Variants in SH2D3C observed in about 807,000 individuals in gnomAD.
The protein encoded by SH2D3C is SH2 domain-containing protein 3C.
Under a neutral mutation model 75.2 loss-of-function variants are expected in SH2D3C, and 25 were observed. That is an observed-to-expected ratio of 0.33 (90% CI 0.24 to 0.46). SH2D3C has a LOEUF of 0.46. Among genes scored for constraint, SH2D3C ranks in the 20% least tolerant of loss-of-function variants. The pLI, the probability that SH2D3C is intolerant of heterozygous loss-of-function variation, is 1.00. For synonymous variants in SH2D3C, 450 were observed against 473.7 expected (o/e 0.95, Z 0.65); for missense variants, 933 against 1,165.3 (o/e 0.80, Z 2.90).
At chr9:127,741,208 TACTC>T (rs1339004584) in intron 9 of SH2D3C, among the ~76,000 whole-genome samples, 1 of 152,002 alleles carries the variant, frequency 6.6e-6, no homozygotes, top group Non-Finnish European at 1.5e-5. Flanking sequence ...CTATAGGAAA[TACTC>T]ACTAAATGGT....
chr9:127,755,477 T>C (rs1157856300), intron 3 of SH2D3C, among the ~76,000 whole-genome samples: 3 of 152,118 alleles, frequency 2.0e-5, no homozygotes, highest in Non-Finnish European at 2.9e-5. Context: ...AAGGAGGGTA[T>C]TACCGGGGGC....
At position 127,749,227 on chromosome 9, in the gene SH2D3C, C is replaced by T. The variant is rs751858191; in HGVS notation, c.1123G>A (p.Asp375Asn). 1.9e-6 allele frequency: 3 copies of T among 1,559,326 alleles called. No homozygotes were observed. The highest frequency in any genetic ancestry group is 1.4e-5 in the African/African-American group (1 of 73,928). ...GLTADKVTRS[D>N]GCPTSTSLPR... Reference sequence around the variant, plus strand: ...CTGGCTGACCTGGTGGGGCAGCCATCGCTGCGGGTGACCTTGTCAGCAGTG... The same window carrying T: ...CTGGCTGACCTGGTGGGGCAGCCATTGCTGCGGGTGACCTTGTCAGCAGTG... The change falls in exon 5 of 12, where the codon GAT becomes AAT. Residue 375 changes from aspartate to asparagine, a missense_variant. Coordinates refer to ENST00000314830, the MANE Select transcript of SH2D3C (RefSeq NM_170600.3). This position sits in a 1 kb window ranked among gnomAD's most constrained non-coding sequence, Gnocchi z 5.9.
chr9:127,741,940 T>A lies in SH2D3C; in HGVS notation c.1936A>T (p.Met646Leu), dbSNP rs1157427362. ...LLERFHTMSI[M>L]LAVDILGCTG... ...CAGCCCAGGATGTCCACGGCCAGCA[T>A]GATGGACATGGTGTGGAACCTGTCA... is the stretch of plus-strand genomic sequence containing the variant. Residue 646 changes from methionine (M) to leucine (L), a missense_variant, in exon 9 of 12, where the codon ATG (methionine) becomes TTG (leucine). Coordinates refer to ENST00000314830, the MANE Select transcript of SH2D3C (RefSeq NM_170600.3). The A allele has an allele frequency of 2.5e-6, 4 of 1,612,504 alleles. No homozygotes were observed. In the South Asian group the frequency reaches 4.4e-5, roughly 18 times the overall value.
At position 127,744,642 on chromosome 9, in the gene SH2D3C, A is replaced by G; in HGVS notation, c.1722T>C (p.Leu574=). The change falls in exon 7 of 12, where the codon CTT becomes CTC. Residue 574 remains leucine, a synonymous_variant. Coordinates refer to ENST00000314830, the MANE Select transcript of SH2D3C (RefSeq NM_170600.3). ...CCAGCAGCTCCTTGACCTTGCGCAGAAGGCCCACCTCCAGTGGCCGGTTAT... is the reference window on the plus strand; with the variant it reads ...CCAGCAGCTCCTTGACCTTGCGCAGGAGGCCCACCTCCAGTGGCCGGTTAT... The part of the protein sequence containing the change: ...PRDNRPLEVG[L]LRKVKELLAE... 1 of 1,614,168 alleles carries G rather than the reference A, an allele frequency of 6.2e-7. No homozygotes were observed.
chr9:127,764,990 C>T (rs1213235465), intron 2 of SH2D3C, among the ~76,000 whole-genome samples: 1 of 152,086 alleles, frequency 6.6e-6, no homozygotes, highest in African/African-American at 2.4e-5. Flanking sequence ...GGATTACAGG[C>T]GTGAGCCACC....
chr9:127,762,448 G>T, intron 2 of SH2D3C: 1 of 577,660 alleles, frequency 1.7e-6, no homozygotes, highest in Non-Finnish European at 3.1e-6. Context: ...TGTATCCAAA[G>T]CAGAACTGTG....
chr9:127,768,440 C>T (rs1457207464), intron 2 of SH2D3C, among the ~76,000 whole-genome samples: 1 of 151,948 alleles, frequency 6.6e-6, no homozygotes, highest in Non-Finnish European at 1.5e-5. Context: ...GCTTGGATCT[C>T]TAGGTGGGAG....
chr9:127,744,429 G>A (rs564130624), intron 7 of SH2D3C, 135 bp downstream of exon 7: 1 of 1,143,832 alleles, frequency 8.7e-7, no homozygotes, highest in Non-Finnish European at 1.2e-6. Context: ...GAGTCACAGA[G>A]CAGGCAAAGG....
At chr9:127,764,275 T>A (rs1159015523) in intron 2 of SH2D3C, among the ~76,000 whole-genome samples, 1 of 152,048 alleles carries the variant, frequency 6.6e-6, no homozygotes, top group Non-Finnish European at 1.5e-5. Flanking sequence ...CCCCATGGCC[T>A]CACCATGGGG....
chr9:127,762,446 A>G (rs981922783), intron 2 of SH2D3C: 3 of 592,098 alleles, frequency 5.1e-6, no homozygotes, highest in Non-Finnish European at 8.9e-6. Flanking sequence ...TGTGTATCCA[A>G]AGCAGAACTG....
intron 2 of SH2D3C, chr9:127,767,048 C>T (rs1348508255): frequency 6.5e-7 from 1 of 1,536,226 alleles, no homozygotes; most frequent in Admixed American, 2.0e-5. Flanking sequence ...AGGCTCTTGG[C>T]TTTGGCCCTG....
rs1189237265 is a variant in SH2D3C, at chr9:127,754,002, G to A, written c.556-2702C>T. 6.6e-6 allele frequency among the ~76,000 whole-genome samples: 1 copy of A among 152,190 alleles called. No individual in the cohort carries two copies. Among genetic ancestry groups the A allele is most frequent in the African/African-American group, 2.4e-5 (1 of 41,452 alleles). ...CTTTTCCAGCTTAATCACTGGTCAC[G>A]GAGAGTTTGGGGGGACCAACTTGGT... On this transcript the variant is annotated intron_variant, in intron 3 of 11. Coordinates refer to ENST00000314830, the MANE Select transcript of SH2D3C (RefSeq NM_170600.3). The surrounding 1 kb of genome is among the most constrained non-coding windows in gnomAD (Gnocchi z 4.4).
At chr9:127,742,163 CG>C (rs1844881809) in intron 8 of SH2D3C, among the ~76,000 whole-genome samples, 2 of 152,098 alleles carry the variant, frequency 1.3e-5, no homozygotes, top group Admixed American at 6.5e-5. Flanking sequence ...AAATCAGGGG[CG>C]GGGCCAGAGC....
intron 1 of SH2D3C, 43 bp downstream of exon 1, chr9:127,778,548 G>C: frequency 6.8e-7 from 1 of 1,465,474 alleles, no homozygotes; most frequent in Non-Finnish European, 9.6e-7. Context: ...GCCCAGAGGA[G>C]AGCCAGGGAT....
intron 2 of SH2D3C, chr9:127,767,015 G>A: frequency 6.5e-7 from 1 of 1,536,144 alleles, no homozygotes; most frequent in Non-Finnish European, 8.7e-7. Flanking sequence ...CAGCCATGGG[G>A]CCTGTGGGAT....
At chr9:127,760,091 G>A (rs1845491439) in intron 3 of SH2D3C, among the ~76,000 whole-genome samples, 1 of 152,024 alleles carries the variant, frequency 6.6e-6, no homozygotes, top group African/African-American at 2.4e-5. Flanking sequence ...ATGAGCTCAA[G>A]GCTGCAGTGA....
Position 127,749,200 on chromosome 9 carries a change from C to A in SH2D3C, c.1139+11G>T. ...CCACAACCCCATTTGACAAATGGGGCCCTGGCTGACCTGGTGGGGCAGCCA... is the reference window on the plus strand; with the variant it reads ...CCACAACCCCATTTGACAAATGGGGACCTGGCTGACCTGGTGGGGCAGCCA... On this transcript the variant is annotated intron_variant, in intron 5 of 11. Transcript: ENST00000314830. The surrounding 1 kb of genome is among the most constrained non-coding windows in gnomAD (Gnocchi z 5.9). 6.5e-7 allele frequency: 1 copy of A among 1,539,866 alleles called. No homozygotes were observed. Among genetic ancestry groups the A allele is most frequent in the African/African-American group, 1.4e-5 (1 of 73,412 alleles).
chr9:127,747,618 C>T (rs976187988), intron 5 of SH2D3C, among the ~76,000 whole-genome samples: 21 of 151,888 alleles, frequency 1.4e-4, no homozygotes, highest in African/African-American at 4.6e-4. Flanking sequence ...ACTGCAACTG[C>T]TGAACCTGCC....
intron 9 of SH2D3C, 127 bp downstream of exon 9, chr9:127,741,661 G>C (rs1844859659): frequency 8.6e-7 from 1 of 1,166,074 alleles, no homozygotes; most frequent in African/African-American, 1.5e-5. Context: ...AGTTCTCCCG[G>C]GTAGTCTCAC....
Sources: gnomAD v4.1 joint callset for allele counts (sites outside exome capture counted in the v4.1 genomes callset) on GRCh38, gnomAD v4.1.1 for gene constraint, Gnocchi (gnomAD v3.1) non-coding constraint, MANE v1.5 for transcripts, NCBI Gene and HGNC (gene_info 2026-07-23, HGNC 2026-07-21) for gene names.